The following NRG3 variants were observed in gnomAD, a reference collection of about 807,000 sequenced individuals.
NRG3 encodes neuregulin 3, also known as pro-neuregulin-3, membrane-bound isoform.
In NRG3, 31 loss-of-function variants were observed where a neutral mutation model predicts 66.9. The observed-to-expected ratio is 0.46, with a 90% CI of 0.35 to 0.63. The LOEUF (loss-of-function observed/expected upper bound fraction) is 0.63, where lower values mean the gene tolerates loss of function less well. Ranked by LOEUF, NRG3 falls within the 20% of genes least tolerant of loss-of-function variation. The probability of loss-of-function intolerance (pLI) is 0.00; values close to 1 mark genes in which losing one functional copy is unlikely to be tolerated. For synonymous variants in NRG3, 393 were observed against 359.4 expected (o/e 1.09, Z -1.06); for missense variants, 910 against 878.9 (o/e 1.04, Z -0.45).
intron 2 of NRG3, among the ~76,000 whole-genome samples, chr10:82,366,589 G>C (rs542952826): frequency 6.6e-6 from 1 of 151,910 alleles, no homozygotes; most frequent in Non-Finnish European, 1.5e-5. Flanking sequence ...CTTAATCAGC[G>C]TAACGGGCCA....
chr10:82,542,894 C>CTT (rs35864856), intron 2 of NRG3, among the ~76,000 whole-genome samples: 10 of 144,788 alleles, frequency 6.9e-5, no homozygotes, highest in Admixed American at 5.5e-4. Context: ...TCATTTAGAT[C>CTT]TTTTTTTTTT....
At chr10:82,514,830 A>G (rs1005740372) in intron 2 of NRG3, among the ~76,000 whole-genome samples, 1 of 152,158 alleles carries the variant, frequency 6.6e-6, no homozygotes, top group Non-Finnish European at 1.5e-5. Flanking sequence ...TCACAAGGAT[A>G]TGGCACAAAT....
chr10:82,346,453 T>C (rs2016971316), intron 1 of NRG3, among the ~76,000 whole-genome samples: 2 of 145,154 alleles, frequency 1.4e-5, no homozygotes, highest in Non-Finnish European at 1.5e-5. Flanking sequence ...GATGTGCTGC[T>C]GGATTCGGTT....
At chr10:82,574,681 A>C (rs1818198817) in intron 2 of NRG3, among the ~76,000 whole-genome samples, 1 of 151,834 alleles carries the variant, frequency 6.6e-6, no homozygotes, top group African/African-American at 2.4e-5. Context: ...ATTAAAAAAG[A>C]AAATGTGGTA....
In NRG3 at chr10:82,985,378, G is replaced by T. The variant is rs1235065191; in HGVS notation, c.1864G>T (p.Ala622Ser). The T allele has an allele frequency of 6.2e-7, 1 of 1,614,142 alleles. No homozygotes were observed. Among genetic ancestry groups the T allele is most frequent in the South Asian group, 1.1e-5 (1 of 91,084 alleles). Reference protein sequence around the residue: ...VSIPVSDCLIAEQQEVKILLE... With the variant: ...VSIPVSDCLISEQQEVKILLE... ...TATTCCAGTCAGCGATTGTCTTATAGCAGAACAACAAGAAGTGAAAATATT... is the reference window on the plus strand; with the variant it reads ...TATTCCAGTCAGCGATTGTCTTATATCAGAACAACAAGAAGTGAAAATATT... The change falls in exon 9 of 9, where the codon GCA (alanine) becomes TCA (serine). Residue 622 changes from alanine (A) to serine (S), a missense_variant. Coordinates refer to ENST00000372141, the MANE Select transcript of NRG3 (RefSeq NM_001010848.4).
intron 1 of NRG3, among the ~76,000 whole-genome samples, chr10:81,883,627 A>G (rs1422623088): frequency 2.6e-5 from 4 of 152,180 alleles, no homozygotes; most frequent in Admixed American, 1.3e-4. Context: ...TAGCATTAGT[A>G]TGTTACAGCC....
At chr10:82,629,723 G>C (rs1182617815) in intron 2 of NRG3, among the ~76,000 whole-genome samples, 1 of 152,168 alleles carries the variant, frequency 6.6e-6, no homozygotes, top group African/African-American at 2.4e-5. Flanking sequence ...AGTAAACATG[G>C]ATTTTGAAGT....
chr10:82,328,089 G>C (rs568249209), intron 1 of NRG3, among the ~76,000 whole-genome samples: 4 of 152,144 alleles, frequency 2.6e-5, no homozygotes, highest in Non-Finnish European at 5.9e-5. Flanking sequence ...TTGTGGGGGG[G>C]CACAATTTCA....
chr10:82,707,846 T>TAAAAAAA (rs373670610), intron 2 of NRG3, among the ~76,000 whole-genome samples: 1 of 82,644 alleles, frequency 1.2e-5, no homozygotes, highest in African/African-American at 5.0e-5. Flanking sequence ...TCATCTCTAC[T>TAAAAAAA]AAAAAAAAAA....
intron 1 of NRG3, among the ~76,000 whole-genome samples, chr10:81,918,818 C>CAAAAAAACAAAAA (rs1554854963): frequency 6.9e-6 from 1 of 145,778 alleles, no homozygotes; most frequent in Non-Finnish European, 1.5e-5. Context: ...AGGATTTTTG[C>CAAAAAAACAAAAA]AAAAAACAAA....
chr10:82,420,566 A>C (rs939170327), intron 2 of NRG3, among the ~76,000 whole-genome samples: 1 of 152,158 alleles, frequency 6.6e-6, no homozygotes, highest in Non-Finnish European at 1.5e-5. Flanking sequence ...TTGTCTGCTC[A>C]AATCCAAATT....
intron 3 of NRG3, among the ~76,000 whole-genome samples, chr10:82,744,852 TG>T (rs1296012675): frequency 6.6e-6 from 1 of 152,176 alleles, no homozygotes; most frequent in East Asian, 1.9e-4. Context: ...ATTCAGAGCA[TG>T]TCATGCTTGG....
chr10:82,018,451 GT>G (rs1175266793), intron 1 of NRG3, among the ~76,000 whole-genome samples: 40 of 152,274 alleles, frequency 2.6e-4, no homozygotes, highest in South Asian at 2.3e-3. Flanking sequence ...CTTTAAAGTA[GT>G]TTTTTCCAAT....
At chr10:82,634,336 C>A (rs1164526317) in intron 2 of NRG3, among the ~76,000 whole-genome samples, 1 of 152,072 alleles carries the variant, frequency 6.6e-6, no homozygotes, top group Non-Finnish European at 1.5e-5. Context: ...TACATGTACA[C>A]ATGTGTTTAT....
intron 1 of NRG3, among the ~76,000 whole-genome samples, chr10:81,888,429 T>G (rs1442341920): frequency 1.3e-5 from 2 of 152,210 alleles, no homozygotes; most frequent in Non-Finnish European, 2.9e-5. Flanking sequence ...ACAAGAAAGA[T>G]AATTCATCAT....
chr10:82,463,055 G>A (rs567371838), intron 2 of NRG3, among the ~76,000 whole-genome samples: 2 of 152,230 alleles, frequency 1.3e-5, no homozygotes, highest in South Asian at 4.1e-4. Flanking sequence ...AGCTCCCCAG[G>A]CGTTCCTGGC....
At chr10:82,683,119 C>T (rs577437743) in intron 2 of NRG3, among the ~76,000 whole-genome samples, 38 of 151,886 alleles carry the variant, frequency 2.5e-4, no homozygotes, top group Admixed American at 2.1e-3. Flanking sequence ...CCACCACGCC[C>T]GGCTAATTTT....
At chr10:82,517,469 C>A (rs1431680288) in intron 2 of NRG3, among the ~76,000 whole-genome samples, 1 of 152,050 alleles carries the variant, frequency 6.6e-6, no homozygotes, top group East Asian at 1.9e-4. Flanking sequence ...TCCAGTGATC[C>A]TAAACTAAAA....
Position 82,738,571 on chromosome 10 carries a change from TC to T in NRG3, c.954-5del. 1 of 1,613,542 alleles carries T rather than the reference TC, an allele frequency of 6.2e-7. No homozygotes were observed. The highest frequency in any genetic ancestry group is 8.5e-7 in the Non-Finnish European group (1 of 1,179,456). The stretch of plus-strand genomic sequence containing the variant: ...CGTATGTTTGTCATTTATCCCCTTT[TC>T]TCAGGTGCAAAGAAGGCTACCAAGG... On this transcript the variant is annotated splice_region_variant and splice_polypyrimidine_tract_variant and intron_variant, in intron 2 of 8. Transcript: ENST00000372141.
Sources: gnomAD v4.1 joint callset for allele counts (sites outside exome capture counted in the v4.1 genomes callset) on GRCh38, gnomAD v4.1.1 for gene constraint, MANE v1.5 for transcripts, NCBI Gene and HGNC (gene_info 2026-07-23, HGNC 2026-07-21) for gene names.